RASEF: variants seen among roughly 807,000 people sequenced by gnomAD.
RASEF encodes the protein ras and EF-hand domain-containing protein.
A neutral mutation model predicts 90.1 loss-of-function variants in RASEF; 68 were observed. The observed-to-expected ratio is 0.75, with a 90% CI of 0.62 to 0.92. The LOEUF (loss-of-function observed/expected upper bound fraction) is 0.92. Ranked by LOEUF, RASEF falls within the 40% of genes least tolerant of loss-of-function variation. The pLI, the probability that RASEF is intolerant of heterozygous loss-of-function variation, is 0.00. For missense variants in RASEF, 949 were observed against 937.2 expected (o/e 1.01, Z -0.16); for synonymous variants, 331 against 345.2 (o/e 0.96, Z 0.46).
the RASEF span, among the ~76,000 whole-genome samples, chr9:83,177,382 G>A: frequency 1.3e-5 from 2 of 152,114 alleles, no homozygotes; most frequent in African/African-American, 4.8e-5. Context: ...AGGTGGATTT[G>A]CTATGCTAGC....
chr9:83,036,491 GTGAGTTGACC>G (rs1385325766), intron 1 of RASEF, among the ~76,000 whole-genome samples: 3 of 152,234 alleles, frequency 2.0e-5, no homozygotes, highest in Admixed American at 2.0e-4. Context: ...TCTTGCTACA[GTGAGTTGACC>G]TTTTTTATAT....
the RASEF span, among the ~76,000 whole-genome samples, chr9:83,135,882 A>G: frequency 1.3e-5 from 2 of 152,236 alleles, no homozygotes; most frequent in South Asian, 4.1e-4. Flanking sequence ...CTGCCTTCCC[A>G]TTCTCTTGTA....
chr9:82,990,399 G>A lies in RASEF; in HGVS notation c.2109C>T (p.His703=), dbSNP rs1828790399. Residue 703 remains histidine, a synonymous_variant, in exon 16 of 17, where the codon CAC becomes CAT. Coordinates refer to ENST00000376447, the MANE Select transcript of RASEF (RefSeq NM_152573.4). ...DGSNIVEAVL[H]LAREVKKRTD... ...ATTTTCCCAAACTTTACCGAGCAAG[G>A]TGCAGAACAGCCTCCACTATGTTAG... The A allele has an allele frequency of 6.2e-7, 1 of 1,612,776 alleles. No homozygotes were observed. The highest frequency in any genetic ancestry group is 2.2e-5 in the East Asian group (1 of 44,838).
chr9:83,042,001 C>G (rs1370392796), intron 1 of RASEF, among the ~76,000 whole-genome samples: 2 of 152,128 alleles, frequency 1.3e-5, no homozygotes, highest in East Asian at 3.9e-4. Context: ...CATCTTAACT[C>G]ACTGGTTCAT....
chr9:83,087,390 A>G, the RASEF span, among the ~76,000 whole-genome samples: 2 of 113,392 alleles, frequency 1.8e-5, no homozygotes, highest in African/African-American at 6.4e-5. Context: ...TTGCTCATAC[A>G]AATGTTCTCA....
chr9:83,025,221 G>A (rs965428982), intron 2 of RASEF, among the ~76,000 whole-genome samples: 1 of 152,158 alleles, frequency 6.6e-6, no homozygotes, highest in Non-Finnish European at 1.5e-5. Context: ...CAAAGGGGGA[G>A]GGCCAAGTGA....
chr9:83,177,528 C>A, the RASEF span, among the ~76,000 whole-genome samples: 2 of 151,428 alleles, frequency 1.3e-5, no homozygotes, highest in South Asian at 4.2e-4. Flanking sequence ...ATATGTAATT[C>A]CATTGTCTTC....
At chr9:83,142,780 A>C in the RASEF span, among the ~76,000 whole-genome samples, 1 of 152,210 alleles carries the variant, frequency 6.6e-6, no homozygotes, top group African/African-American at 2.4e-5. Flanking sequence ...CATTTAAAAA[A>C]CTTCAGCTTA....
the RASEF span, among the ~76,000 whole-genome samples, chr9:83,147,059 TAA>T: frequency 2.0e-5 from 3 of 147,810 alleles, no homozygotes; most frequent in South Asian, 2.1e-4. Context: ...TATATATATA[TAA>T]ATATGTACAT....
At chr9:83,022,510 G>T in intron 2 of RASEF, 84 bp from the exon 3 acceptor site, 1 of 956,092 alleles carries the variant, frequency 1.0e-6, no homozygotes, top group Non-Finnish European at 1.7e-6. Context: ...TCTACGTTAA[G>T]CCCTATATAT....
chr9:83,174,557 A>C, the RASEF span, among the ~76,000 whole-genome samples: 1 of 152,104 alleles, frequency 6.6e-6, no homozygotes, highest in South Asian at 2.1e-4. Context: ...CTTTGTAGTA[A>C]GTTTTTAAAC....
chr9:83,155,498 C>T, the RASEF span, among the ~76,000 whole-genome samples: 2 of 152,164 alleles, frequency 1.3e-5, no homozygotes, highest in African/African-American at 4.8e-5. Context: ...GATGTATTCA[C>T]TACCATGAGA....
chr9:83,092,558 G>A, the RASEF span, among the ~76,000 whole-genome samples: 2 of 152,154 alleles, frequency 1.3e-5, no homozygotes, highest in African/African-American at 4.8e-5. Flanking sequence ...GAGTGAAGCT[G>A]CAGACTTTCA....
chr9:83,204,083 G>C, the RASEF span, among the ~76,000 whole-genome samples: 8 of 152,200 alleles, frequency 5.3e-5, no homozygotes, highest in Non-Finnish European at 1.5e-5. Context: ...CAGATGGTAA[G>C]AAGGTGAGGA....
chr9:83,032,828 C>G (rs17085982), intron 1 of RASEF, among the ~76,000 whole-genome samples: 4,521 of 152,142 alleles, frequency 0.03, 207 homozygotes, highest in African/African-American at 0.1. Context: ...GGTCACGCAC[C>G]CATTTTCATA....
At chr9:82,985,416 C>T (rs754997642) in intron 16 of RASEF, among the ~76,000 whole-genome samples, 1 of 152,100 alleles carries the variant, frequency 6.6e-6, no homozygotes, top group African/African-American at 2.4e-5. Context: ...TTACCTCCCC[C>T]GGGGTCCTTC....
chr9:83,177,660 G>T, the RASEF span, among the ~76,000 whole-genome samples: 1 of 149,794 alleles, frequency 6.7e-6, no homozygotes, highest in Non-Finnish European at 1.5e-5. Context: ...GTTTTCTCTT[G>T]CTGATTTTAA....
the RASEF span, among the ~76,000 whole-genome samples, chr9:83,172,446 TCTTC>T: frequency 2.6e-5 from 4 of 151,806 alleles, no homozygotes; most frequent in African/African-American, 9.7e-5. Flanking sequence ...GTATGTCTTC[TCTTC>T]CTTTCTTCCT....
rs1830237472 is a variant in RASEF at position 83,062,765 on chromosome 9, C to T, written c.103G>A (p.Ala35Thr). ...CGCACCCGCAGCTCCGTGCACAGTG[C>T]CCGGAACTCCTCGCGCTCCAGGCGC... ...SGRLEREEFR[A>T]LCTELRVRPA... Residue 35 changes from alanine to threonine, a missense_variant, in exon 1 of 17, where the codon GCA becomes ACA. By Grantham distance (58) the Ala-to-Thr change is moderately conservative. Transcript: ENST00000376447. 1.3e-6 allele frequency: 2 copies of T among 1,561,736 alleles called. No homozygotes were observed. Among genetic ancestry groups the T allele is most frequent in the Non-Finnish European group, 1.7e-6 (2 of 1,163,226 alleles).
Sources: allele counts gnomAD v4.1 joint callset (sites outside exome capture counted in the v4.1 genomes callset), GRCh38; gene constraint gnomAD v4.1.1; transcripts MANE v1.5; gene names NCBI Gene and HGNC (gene_info 2026-07-23, HGNC 2026-07-21).